Variants in MYH10 observed in about 807,000 individuals in gnomAD.
The protein encoded by MYH10 is myosin heavy chain 10.
MYH10 carries 55 observed loss-of-function variants against 257.8 expected under a neutral mutation model. The ratio of observed to expected loss-of-function variants is 0.21; its 90% CI spans 0.17 to 0.27. The LOEUF is 0.27. Ranked by LOEUF, MYH10 falls within the 10% of genes least tolerant of loss-of-function variation. The pLI, the probability that MYH10 is intolerant of heterozygous loss-of-function variation, is 1.00. For missense variants in MYH10, 1,631 were observed against 2,500.6 expected (o/e 0.65, Z 7.42); for synonymous variants, 854 against 921.7 (o/e 0.93, Z 1.33).
rs190678148 is a variant in MYH10 at position 8,509,852 on chromosome 17, T to G, written c.3050A>C (p.Glu1017Ala). The G allele has an allele frequency of 1.1e-5, 17 of 1,611,634 alleles. No homozygotes were observed. In the East Asian group the frequency reaches 3.8e-4, roughly 36 times the overall value. ...AEAKIKKMEE[E>A]ILLLEDQNSK... Reference sequence around the variant, plus strand: ...ATTTTGGTCCTCGAGAAGCAGAATCTCCTCTTCCATCTTCTTGATCTTGGC... The same window carrying G: ...ATTTTGGTCCTCGAGAAGCAGAATCGCCTCTTCCATCTTCTTGATCTTGGC... The change falls in exon 25 of 43, where the codon GAG (glutamate) becomes GCG (alanine). Residue 1017 changes from glutamate (E) to alanine (A), a missense_variant. Around this residue, in one of 11 missense-constraint regions of MYH10, gnomAD observed 169 missense variants for 249.8 expected, o/e 0.68. Coordinates refer to ENST00000360416, the MANE Select transcript of MYH10 (RefSeq NM_001256012.3).
Position 8,576,683 on chromosome 17 carries a change from C to A in MYH10, c.634-11G>T. ...TTTAGGCGATTCCTGCTGTTCATTA[C>A]AAACAGACAAATGCAAATGTTAGCA... On this transcript the variant is annotated splice_polypyrimidine_tract_variant and intron_variant, in intron 5 of 42. Coordinates refer to ENST00000360416, the MANE Select transcript of MYH10 (RefSeq NM_001256012.3). 6.4e-7 allele frequency: 1 copy of A among 1,550,566 alleles called. No homozygotes were observed. Among genetic ancestry groups the A allele is most frequent in the Non-Finnish European group, 8.7e-7 (1 of 1,146,912 alleles).
intron 35 of MYH10, among the ~76,000 whole-genome samples, chr17:8,489,940 C>T (rs960543168): frequency 2.6e-5 from 4 of 152,056 alleles, no homozygotes; most frequent in African/African-American, 4.8e-5. Flanking sequence ...TGCTCTTTTT[C>T]CTTTTGAAGA....
intron 30 of MYH10, among the ~76,000 whole-genome samples, chr17:8,499,021 T>A (rs1917112824): frequency 6.6e-6 from 1 of 152,194 alleles, no homozygotes; most frequent in Non-Finnish European, 1.5e-5. Context: ...GTTAAGCAAC[T>A]ATAAACACAA....
intron 3 of MYH10, among the ~76,000 whole-genome samples, chr17:8,595,726 C>T (rs958575993): frequency 6.6e-5 from 10 of 152,086 alleles, no homozygotes; most frequent in East Asian, 1.9e-4. Context: ...TCACCAAGCC[C>T]GGCCCAAGAA....
intron 3 of MYH10, among the ~76,000 whole-genome samples, chr17:8,592,464 T>C (rs2084183495): frequency 6.6e-6 from 1 of 151,980 alleles, no homozygotes; most frequent in African/African-American, 2.4e-5. Flanking sequence ...TTTTAAAAAG[T>C]AGTATGATTA....
chr17:8,499,607 A>C, intron 29 of MYH10, 131 bp from the exon 30 acceptor site: 1 of 784,804 alleles, frequency 1.3e-6, no homozygotes, highest in South Asian at 1.7e-5. Context: ...TGAATGAATG[A>C]ATGAAAATGT....
Position 8,569,906 on chromosome 17 carries a change from A to G in MYH10, c.664-94T>C. 2 of 888,580 alleles carry G rather than the reference A, an allele frequency of 2.3e-6. No homozygotes were observed. Among genetic ancestry groups the G allele is most frequent in the Non-Finnish European group, 3.4e-6 (2 of 596,170 alleles). The allele number at this position is 888,580 out of a possible 1,614,324, so 55.0% of individuals were successfully genotyped here. A position where few individuals can be genotyped will look rare whatever the true frequency, so the allele number is the denominator to read the frequency against. ...CAGGGGAAAAATTTCTAAAAAAGAA[A>G]CTGCATCTTTTCCTCAGTTCTTTCA... On this transcript the variant is annotated intron_variant, in intron 6 of 42. Coordinates refer to ENST00000360416, the MANE Select transcript of MYH10 (RefSeq NM_001256012.3). This position sits in a 1 kb window ranked among gnomAD's most constrained non-coding sequence, Gnocchi z 4.1.
At chr17:8,522,313 C>T (rs997095688) in intron 17 of MYH10, among the ~76,000 whole-genome samples, 3 of 152,174 alleles carry the variant, frequency 2.0e-5, no homozygotes, top group African/African-American at 7.2e-5. Flanking sequence ...TTATCAATTT[C>T]CAATGAGGTT....
intron 17 of MYH10, among the ~76,000 whole-genome samples, chr17:8,525,508 A>C (rs1259543945): frequency 6.6e-6 from 1 of 152,244 alleles, no homozygotes; most frequent in Non-Finnish European, 1.5e-5. Context: ...ATATCTGCTA[A>C]GTGAACTTGC....
rs548159798 is a variant in MYH10, at chr17:8,528,814, A to G, written c.1957+1809T>C. 1.6e-4 allele frequency among the ~76,000 whole-genome samples: 24 copies of G among 152,308 alleles called. No individual in the cohort carries two copies. The South Asian group carries it at 4.8e-3, about 30-fold the overall frequency. On this transcript the variant is annotated intron_variant, in intron 17 of 42. Transcript: ENST00000360416. ...GTGGTGGTCTTGAATCCATAAGCGC[A>G]TTAAAGAGAAAACGATTTTGCTGTA... is the stretch of plus-strand genomic sequence containing the variant.
chr17:8,577,169 C>A (rs2152020080), intron 5 of MYH10, 67 bp downstream of exon 5: 1 of 1,308,502 alleles, frequency 7.6e-7, no homozygotes, highest in African/African-American at 1.5e-5. Flanking sequence ...AGACTGGCTT[C>A]CTTATTTTTG....
intron 4 of MYH10, among the ~76,000 whole-genome samples, chr17:8,582,538 C>T (rs6503128): frequency 0.97 from 147,168 of 152,346 alleles, 71,290 homozygotes; most frequent in East Asian, 1. Flanking sequence ...GGTAGAAGTA[C>T]AAAGCTAACA....
At chr17:8,530,922 CAT>C (rs2081987846) in intron 16 of MYH10, among the ~76,000 whole-genome samples, 1 of 152,266 alleles carries the variant, frequency 6.6e-6, no homozygotes, top group African/African-American at 2.4e-5. Flanking sequence ...CCGGTGTGAG[CAT>C]TATATGATAT....
chr17:8,596,269 C>T (rs943521984), intron 3 of MYH10, among the ~76,000 whole-genome samples: 5 of 151,532 alleles, frequency 3.3e-5, no homozygotes, highest in African/African-American at 9.7e-5. Flanking sequence ...TCTCGTGCCT[C>T]AGCCTCCTGA....
At chr17:8,603,622 A>G (rs1247333914) in intron 3 of MYH10, among the ~76,000 whole-genome samples, 1 of 152,122 alleles carries the variant, frequency 6.6e-6, no homozygotes, top group African/African-American at 2.4e-5. Context: ...GCTCACTAAT[A>G]CAAACACTCT....
At chr17:8,570,502 C>T (rs535285385) in intron 6 of MYH10, among the ~76,000 whole-genome samples, 1 of 152,220 alleles carries the variant, frequency 6.6e-6, no homozygotes, top group Non-Finnish European at 1.5e-5. Context: ...TCATGAAACA[C>T]AATAGAAAGC....
At chr17:8,512,744 A>G in intron 23 of MYH10, 87 bp from the exon 24 acceptor site, 1 of 1,047,494 alleles carries the variant, frequency 9.5e-7, no homozygotes, top group Non-Finnish European at 1.3e-6. Context: ...GTCAATGCAC[A>G]TCAAAGAAAC....
intron 21 of MYH10, among the ~76,000 whole-genome samples, chr17:8,514,679 G>A (rs969346556): frequency 1.3e-5 from 2 of 150,904 alleles, no homozygotes; most frequent in Admixed American, 1.3e-4. Context: ...ATTACCTTGC[G>A]GTTCCTTCGA....
At chr17:8,614,304 C>CTTTTT (rs1246350327) in intron 2 of MYH10, among the ~76,000 whole-genome samples, 5 of 107,230 alleles carry the variant, frequency 4.7e-5, no homozygotes, top group East Asian at 2.7e-4. Context: ...AAGCAATTCA[C>CTTTTT]TTCTTTTTTT....
Sources: allele counts gnomAD v4.1 joint callset (sites outside exome capture counted in the v4.1 genomes callset), GRCh38; gene constraint gnomAD v4.1.1; regional missense constraint gnomAD v4.1.1; non-coding constraint Gnocchi (gnomAD v3.1); transcripts MANE v1.5; gene names NCBI Gene and HGNC (gene_info 2026-07-23, HGNC 2026-07-21).